Variants in IMPACT observed in about 807,000 individuals in gnomAD.
IMPACT encodes protein IMPACT.
IMPACT carries 35 observed loss-of-function variants against 47.5 expected under a neutral mutation model. That is an observed-to-expected ratio of 0.74 (90% CI 0.56 to 0.98). The LOEUF is 0.98. IMPACT is among the 50% of genes least tolerant of loss of function. The pLI is 0.00. For missense variants in IMPACT, 373 were observed against 394.8 expected (o/e 0.94, Z 0.47); for synonymous variants, 118 against 125.6 (o/e 0.94, Z 0.40).
Position 24,450,923 on chromosome 18 carries a change from C to T in IMPACT, c.*76C>T. ...CATAGTCATCAAGGAATATATTGTG[C>T]AGAGAGAGTATCCTTGACTGCTTAA... On this transcript the variant is annotated 3_prime_UTR_variant, in exon 11 of 11. Coordinates refer to ENST00000284202, the MANE Select transcript of IMPACT (RefSeq NM_018439.4). 1 of 881,904 alleles carries T rather than the reference C, an allele frequency of 1.1e-6. No individual in the cohort carries two copies. Among genetic ancestry groups the T allele is most frequent in the Non-Finnish European group, 1.8e-6 (1 of 553,742 alleles). The allele number at this position is 881,904 out of a possible 1,614,324, so 54.6% of individuals were successfully genotyped here.
At chr18:24,431,708 T>A (rs116529834) in intron 4 of IMPACT, among the ~76,000 whole-genome samples, 1,860 of 152,020 alleles carry the variant, frequency 0.012, 38 homozygotes, top group African/African-American at 0.041. Flanking sequence ...AAATTTTTTT[T>A]AAAATTTTTT....
At chr18:24,429,510 A>ATTGTAGACCAGTGATTGGT in intron 3 of IMPACT, 1 of 152,266 alleles carries the variant, frequency 6.6e-6, no homozygotes, top group East Asian at 1.9e-4. Flanking sequence ...GGCCGGTCTG[A>ATTGTAGACCAGTGATTGGT]TTGTAGACCA....
chr18:24,440,017 G>A (rs2144341654), intron 5 of IMPACT, among the ~76,000 whole-genome samples: 1 of 152,220 alleles, frequency 6.6e-6, no homozygotes, highest in East Asian at 1.9e-4. Flanking sequence ...TGTGGTGTTT[G>A]CCTGATGATG....
At chr18:24,427,746 C>A in intron 1 of IMPACT, 173 bp from the exon 2 acceptor site, 1 of 576,456 alleles carries the variant, frequency 1.7e-6, no homozygotes, top group Non-Finnish European at 2.9e-6. Flanking sequence ...TAGCAACCAC[C>A]CAGAGAGCAG....
intron 10 of IMPACT, 132 bp from the exon 11 acceptor site, chr18:24,450,647 A>T (rs1189016655): frequency 3.5e-6 from 2 of 574,136 alleles, no homozygotes; most frequent in Non-Finnish European, 6.1e-6. Context: ...TCACTGTAAC[A>T]TATATACATA....
In IMPACT at chr18:24,449,882, C is replaced by T. The variant is rs775241575; in HGVS notation, c.823C>T (p.Pro275Ser). 1.9e-6 allele frequency: 3 copies of T among 1,612,808 alleles called. No homozygotes were observed. The South Asian group carries it at 3.3e-5, about 18-fold the overall frequency. The change falls in exon 10 of 11, where the codon CCA (proline) becomes TCA (serine). Residue 275 changes from proline (P) to serine (S), a missense_variant. Coordinates refer to ENST00000284202, the MANE Select transcript of IMPACT (RefSeq NM_018439.4). ...CTGGTATGGAGGGATTCTGCTAGGA[C>T]CAGATCGCTTTAAACATATCAACAA... Reference protein sequence around the residue: ...SRWYGGILLGPDRFKHINNCA... With the variant: ...SRWYGGILLGSDRFKHINNCA...
chr18:24,436,081 A>G (rs1379866892), intron 4 of IMPACT, among the ~76,000 whole-genome samples: 3 of 152,202 alleles, frequency 2.0e-5, no homozygotes, highest in Non-Finnish European at 4.4e-5. Flanking sequence ...GAATGGGCCC[A>G]TATAAAGTTT....
intron 8 of IMPACT, among the ~76,000 whole-genome samples, chr18:24,447,835 A>G (rs1909283443): frequency 6.6e-6 from 1 of 152,136 alleles, no homozygotes; most frequent in African/African-American, 2.4e-5. Flanking sequence ...GGATAAATTC[A>G]CCTTCCCATA....
chr18:24,445,836 C>G (rs661538), intron 8 of IMPACT, among the ~76,000 whole-genome samples: 18,918 of 151,994 alleles, frequency 0.12, 1,472 homozygotes, highest in Non-Finnish European at 0.16. Flanking sequence ...AGATGCCATA[C>G]TACAATTAAC....
chr18:24,428,880 G>T lies in IMPACT; in HGVS notation c.177G>T (p.Pro59=). Residue 59 remains proline, a synonymous_variant, in exon 3 of 11, where the codon CCG becomes CCT. Transcript: ENST00000284202. The stretch of plus-strand genomic sequence containing the variant: ...AACCTGCATTGTAGGTGATGCTGCC[G>T]AATGAATACCCAGGTACAGCTCCAC... ...KWTLCLQVML[P]NEYPGTAPPI... is the part of the protein sequence containing the mutation. 6.2e-7 allele frequency: 1 copy of T among 1,611,522 alleles called. No individual in the cohort carries two copies. Among genetic ancestry groups the T allele is most frequent in the Non-Finnish European group, 8.5e-7 (1 of 1,178,630 alleles).
At chr18:24,442,109 C>T (rs980365430) in intron 6 of IMPACT, among the ~76,000 whole-genome samples, 3 of 150,290 alleles carry the variant, frequency 2.0e-5, no homozygotes, top group Admixed American at 6.6e-5. Flanking sequence ...GTAGCCAGGA[C>T]GATTAAGTCT....
At chr18:24,450,620 T>C (rs1051677264) in intron 10 of IMPACT, among the ~76,000 whole-genome samples, 159 bp from the exon 11 acceptor site, 13 of 152,130 alleles carry the variant, frequency 8.5e-5, no homozygotes, top group Non-Finnish European at 1.8e-4. Flanking sequence ...ATGACACATA[T>C]AAAAGTGATT....
intron 1 of IMPACT, chr18:24,427,215 T>G (rs1159467494): frequency 5.8e-6 from 1 of 173,466 alleles, no homozygotes; most frequent in Non-Finnish European, 1.2e-5. Context: ...CTTCTGGTCC[T>G]TGGCATCGAG....
In IMPACT at chr18:24,452,622, C is replaced by G. The variant is rs74668492; in HGVS notation, c.*1775C>G. On this transcript the variant is annotated 3_prime_UTR_variant, in exon 11 of 11. Coordinates refer to ENST00000284202, the MANE Select transcript of IMPACT (RefSeq NM_018439.4). ...GTAAGAGGGAGAGATGCAAAATTCT[C>G]CAGCTCTGAACTTGGAGCTACTTCA... 6.6e-6 allele frequency: 1 copy of G among 152,028 alleles called. No homozygotes were observed. 9.4% of individuals were successfully genotyped at this position (152,028 alleles called of 1,614,324 possible).
chr18:24,427,747 C>T (rs1035234066), intron 1 of IMPACT, 172 bp from the exon 2 acceptor site: 9 of 577,316 alleles, frequency 1.6e-5, no homozygotes, highest in Non-Finnish European at 2.3e-5. Flanking sequence ...AGCAACCACC[C>T]AGAGAGCAGA....
chr18:24,441,169 G>A (rs1049171714), intron 6 of IMPACT, among the ~76,000 whole-genome samples: 2 of 152,084 alleles, frequency 1.3e-5, no homozygotes, highest in African/African-American at 4.8e-5. Context: ...ATGCACCATT[G>A]TGCCCAGCTT....
At chr18:24,446,532 A>G (rs1241690404) in intron 8 of IMPACT, among the ~76,000 whole-genome samples, 1 of 152,236 alleles carries the variant, frequency 6.6e-6, no homozygotes, top group Non-Finnish European at 1.5e-5. Context: ...AAAAGTACAT[A>G]GTTTAGGCCT....
chr18:24,428,811 A>G (rs1288566808), intron 2 of IMPACT, 58 bp from the exon 3 acceptor site: 2 of 1,339,154 alleles, frequency 1.5e-6, no homozygotes, highest in African/African-American at 3.0e-5. Flanking sequence ...CTTTATAAAT[A>G]TGGTTACTTT....
chr18:24,449,860 G>C lies in IMPACT; in HGVS notation c.801G>C (p.Trp267Cys). ...ATGTCATGGTGGTAGTATCACGCTG[G>C]TATGGAGGGATTCTGCTAGGACCAG... ...VKNVMVVVSR[W>C]YGGILLGPDR... Residue 267 changes from tryptophan (W) to cysteine (C), a missense_variant, in exon 10 of 11, where the codon TGG (tryptophan) becomes TGC (cysteine). By Grantham distance (215) the Trp-to-Cys change is radical. Coordinates refer to ENST00000284202, the MANE Select transcript of IMPACT (RefSeq NM_018439.4). The C allele has an allele frequency of 6.2e-7, 1 of 1,613,018 alleles. No homozygotes were observed. The highest frequency in any genetic ancestry group is 8.5e-7 in the Non-Finnish European group (1 of 1,179,374).
Sources: allele counts gnomAD v4.1 joint callset (sites outside exome capture counted in the v4.1 genomes callset), GRCh38; gene constraint gnomAD v4.1.1; transcripts MANE v1.5; gene names NCBI Gene and HGNC (gene_info 2026-07-23, HGNC 2026-07-21).